The following KALRN variants were observed in gnomAD, a reference collection of about 807,000 sequenced individuals.
KALRN encodes the protein kalirin.
A neutral mutation model predicts 353.7 loss-of-function variants in KALRN; 70 were observed. The observed-to-expected ratio is 0.20, with a 90% CI of 0.16 to 0.24. KALRN has a LOEUF of 0.24. Among genes scored for constraint, KALRN ranks in the 10% least tolerant of loss-of-function variants. The probability of loss-of-function intolerance (pLI) is 1.00; values close to 1 mark genes in which losing one functional copy is unlikely to be tolerated. For synonymous variants in KALRN, 1,391 were observed against 1,434.8 expected (o/e 0.97, Z 0.69); for missense variants, 2,791 against 3,756.7 (o/e 0.74, Z 6.72).
chr3:124,656,039 CT>C (rs1000372470), intron 39 of KALRN, among the ~76,000 whole-genome samples: 2 of 152,114 alleles, frequency 1.3e-5, no homozygotes, highest in African/African-American at 4.8e-5. Context: ...ACAGTTCATT[CT>C]TAGTGGGATC....
At chr3:124,445,611 A>G (rs1403141967) in intron 19 of KALRN, among the ~76,000 whole-genome samples, 1 of 152,208 alleles carries the variant, frequency 6.6e-6, no homozygotes, top group Non-Finnish European at 1.5e-5. Context: ...TATGACCACT[A>G]TTTAGAAGTG....
chr3:124,419,368 C>T (rs898285549), intron 14 of KALRN, among the ~76,000 whole-genome samples: 1 of 150,904 alleles, frequency 6.6e-6, no homozygotes, highest in Admixed American at 6.7e-5. Context: ...CTCACAATAT[C>T]CCTGAGAAGT....
At chr3:124,191,478 G>A (rs748464524) in intron 1 of KALRN, among the ~76,000 whole-genome samples, 4 of 152,206 alleles carry the variant, frequency 2.6e-5, no homozygotes, top group Non-Finnish European at 4.4e-5. Flanking sequence ...AAGGTTTTAG[G>A]AGCTGTATGT....
intron 37 of KALRN, among the ~76,000 whole-genome samples, chr3:124,650,198 G>A (rs912731028): frequency 3.3e-5 from 5 of 152,006 alleles, no homozygotes; most frequent in African/African-American, 7.2e-5. Context: ...TATTTTTATC[G>A]TTAACAGTTC....
intron 9 of KALRN, among the ~76,000 whole-genome samples, chr3:124,345,561 G>A (rs745560110): frequency 6.6e-6 from 1 of 152,140 alleles, no homozygotes; most frequent in African/African-American, 2.4e-5. Flanking sequence ...TTAGGGTTGT[G>A]CCTCCAGAAT....
chr3:124,341,964 A>T (rs2081773753), intron 9 of KALRN, among the ~76,000 whole-genome samples: 1 of 150,984 alleles, frequency 6.6e-6, no homozygotes, highest in Admixed American at 6.6e-5. Flanking sequence ...AAAATTTAGG[A>T]GATGAGAGGC....
At chr3:124,060,650 C>T (rs1462745599) in intron 1 of KALRN, among the ~76,000 whole-genome samples, 3 of 152,204 alleles carry the variant, frequency 2.0e-5, no homozygotes, top group African/African-American at 7.2e-5. Context: ...GCTGCTTCAA[C>T]TTAGAGGAGG....
At chr3:124,379,752 T>C (rs755571403) in intron 10 of KALRN, among the ~76,000 whole-genome samples, 3 of 152,212 alleles carry the variant, frequency 2.0e-5, no homozygotes, top group Non-Finnish European at 4.4e-5. Context: ...TAGCCTCAGG[T>C]AGTTTCCTCA....
chr3:124,629,888 A>T (rs923012782), intron 34 of KALRN, among the ~76,000 whole-genome samples: 1 of 152,170 alleles, frequency 6.6e-6, no homozygotes, highest in Non-Finnish European at 1.5e-5. Context: ...CTGCGAAAAT[A>T]AAAATCTGTC....
At chr3:124,461,859 T>G (rs762520505) in intron 23 of KALRN, 31 bp from the exon 24 acceptor site, 1 of 1,537,140 alleles carries the variant, frequency 6.5e-7, no homozygotes, top group South Asian at 1.1e-5. Flanking sequence ...TATATCTATA[T>G]CCAAGTAAAA....
intron 2 of KALRN, among the ~76,000 whole-genome samples, chr3:124,233,117 C>G (rs2079359187): frequency 1.3e-5 from 2 of 152,134 alleles, no homozygotes; most frequent in African/African-American, 4.8e-5. Flanking sequence ...TCCAAGCCAC[C>G]CTTTGCCAGT....
At chr3:124,369,165 T>G (rs552074548) in intron 10 of KALRN, among the ~76,000 whole-genome samples, 3 of 152,356 alleles carry the variant, frequency 2.0e-5, no homozygotes, top group East Asian at 1.9e-4. Context: ...TCTACATAAC[T>G]AGAAAATGCA....
At chr3:124,286,061 G>A (rs1017854494) in intron 5 of KALRN, among the ~76,000 whole-genome samples, 2 of 125,436 alleles carry the variant, frequency 1.6e-5, no homozygotes. Context: ...TCAGTGTGCT[G>A]TTTTCTTTCT....
intron 33 of KALRN, among the ~76,000 whole-genome samples, chr3:124,553,971 G>A (rs1036879906): frequency 2.0e-5 from 3 of 152,358 alleles, no homozygotes; most frequent in Middle Eastern, 3.4e-3. Flanking sequence ...TTCTTTCCCC[G>A]AGGAGAGTAT....
intron 37 of KALRN, among the ~76,000 whole-genome samples, chr3:124,642,640 C>G (rs958086057): frequency 5.5e-4 from 83 of 152,104 alleles, no homozygotes; most frequent in African/African-American, 1.9e-3. Flanking sequence ...GCTTTGCCCC[C>G]CTTTAGAAGA....
chr3:124,491,528 A>G (rs1355399803), intron 31 of KALRN, 104 bp downstream of exon 31: 20 of 721,594 alleles, frequency 2.8e-5, no homozygotes, highest in Non-Finnish European at 3.9e-5. Flanking sequence ...CTACTGAGCC[A>G]TGGGCCTCTT....
At chr3:124,496,600 A>AG (rs1444357060) in intron 33 of KALRN, among the ~76,000 whole-genome samples, 187 bp downstream of exon 33, 4 of 152,122 alleles carry the variant, frequency 2.6e-5, no homozygotes, top group Admixed American at 2.6e-4. Context: ...ATCTGGTCTG[A>AG]GGGGATGGAA....
At chr3:124,614,535 C>T (rs1391055203) in intron 34 of KALRN, among the ~76,000 whole-genome samples, 2 of 151,096 alleles carry the variant, frequency 1.3e-5, no homozygotes, top group South Asian at 2.1e-4. Flanking sequence ...GTTGGGATTA[C>T]AGGCATGAGC....
Position 124,697,712 on chromosome 3 carries a change from T to A in KALRN, c.7819T>A (p.Tyr2607Asn). 6.3e-7 allele frequency: 1 copy of A among 1,579,434 alleles called. No homozygotes were observed. The highest frequency in any genetic ancestry group is 8.6e-7 in the Non-Finnish European group (1 of 1,163,522). ...CACTATTTCTGGTTACACTGTGGAG[T>A]ACAGAGAGGAAGGTGCACTATCTCC... Reference protein sequence around the residue: ...NCTISGYTVEYREEGSQIWQQ... With the variant: ...NCTISGYTVENREEGSQIWQQ... The change falls in exon 55 of 60, where the codon TAC becomes AAC. Residue 2607 changes from tyrosine (Y) to asparagine (N), a missense_variant. By Grantham distance (143) the Tyr-to-Asn change is moderately radical. Around this residue, in one of 11 missense-constraint regions of KALRN, gnomAD observed 1,065 missense variants for 1,156.4 expected, o/e 0.92. Coordinates refer to ENST00000682506, the MANE Select transcript of KALRN (RefSeq NM_001388419.1).
Sources: gnomAD v4.1 joint callset for allele counts (sites outside exome capture counted in the v4.1 genomes callset) on GRCh38, gnomAD v4.1.1 for gene constraint, gnomAD v4.1.1 regional missense constraint, MANE v1.5 for transcripts, NCBI Gene and HGNC (gene_info 2026-07-23, HGNC 2026-07-21) for gene names.